The following DNAH11 variants were observed in gnomAD, a reference collection of about 807,000 sequenced individuals.
The protein encoded by DNAH11 is axonemal beta dynein heavy chain 11.
DNAH11 carries 442 observed loss-of-function variants against 526.0 expected under a neutral mutation model. The ratio of observed to expected loss-of-function variants is 0.84; its 90% CI spans 0.78 to 0.91. The LOEUF is 0.91. DNAH11 is among the 40% of genes least tolerant of loss of function. DNAH11 has a pLI of 0.00. For synonymous variants in DNAH11, 2,461 were observed against 1,935.9 expected, an observed-to-expected ratio of 1.27 and a Z score of -7.12; for missense variants, 6,989 against 5,448.7, an observed-to-expected ratio of 1.28 and a Z score of -8.90.
chr7:21,763,777 GA>G (rs1459705923), intron 54 of DNAH11, among the ~76,000 whole-genome samples: 1 of 140,000 alleles, frequency 7.1e-6, no homozygotes, highest in Admixed American at 7.8e-5. Context: ...CAGGCAACTA[GA>G]TAATGTGCTA....
intron 48 of DNAH11, among the ~76,000 whole-genome samples, chr7:21,740,651 C>T (rs1437775412): frequency 6.6e-6 from 1 of 152,182 alleles, no homozygotes; most frequent in Admixed American, 6.6e-5. Context: ...TGCTTCCACA[C>T]TTTAGCTAAT....
chr7:21,608,351 A>G (rs1251793060), intron 20 of DNAH11, among the ~76,000 whole-genome samples: 1 of 152,250 alleles, frequency 6.6e-6, no homozygotes, highest in Non-Finnish European at 1.5e-5. Flanking sequence ...GGCAACCAAA[A>G]TAAGAAAATA....
chr7:21,543,221 T>A lies in DNAH11; in HGVS notation c.-25T>A. ...GTCTCGGGTGAGGAGCCAGCCGGCC[T>A]CGCGTTCCCTCGGACGGTTGCCCAA... On this transcript the variant is annotated 5_prime_UTR_variant, in exon 1 of 82. Transcript: ENST00000409508. 6.7e-7 allele frequency: 1 copy of A among 1,496,034 alleles called. No individual in the cohort carries two copies. Among genetic ancestry groups the A allele is most frequent in the Non-Finnish European group, 8.9e-7 (1 of 1,125,254 alleles). 92.7% of individuals were successfully genotyped at this position (1,496,034 alleles called of 1,614,324 possible). A position where few individuals can be genotyped will look rare whatever the true frequency, so the allele number is the denominator to read the frequency against.
intron 61 of DNAH11, among the ~76,000 whole-genome samples, chr7:21,799,659 G>T (rs1405898685): frequency 6.6e-6 from 1 of 152,020 alleles, no homozygotes; most frequent in Admixed American, 6.6e-5. Flanking sequence ...ATTTCTAACT[G>T]GTGATGTATA....
At chr7:21,863,592 C>CT (rs1783158712) in intron 69 of DNAH11, among the ~76,000 whole-genome samples, 1 of 152,136 alleles carries the variant, frequency 6.6e-6, no homozygotes, top group Non-Finnish European at 1.5e-5. Context: ...TCCGAAAGTG[C>CT]TGGGATTACA....
chr7:21,837,067 GATATTA>G (rs144185241), intron 65 of DNAH11, among the ~76,000 whole-genome samples: 9,830 of 152,066 alleles, frequency 0.065, 553 homozygotes, highest in East Asian at 0.19. Flanking sequence ...AATTAGAATG[GATATTA>G]TCAAAAAGAC....
intron 28 of DNAH11, among the ~76,000 whole-genome samples, chr7:21,653,308 C>G (rs1781868320): frequency 6.6e-6 from 1 of 152,078 alleles, no homozygotes; most frequent in Admixed American, 6.6e-5. Context: ...GCAACAGGGG[C>G]CACACGAGTT....
At chr7:21,797,264 G>A (rs775057663) in intron 61 of DNAH11, among the ~76,000 whole-genome samples, 32 of 151,386 alleles carry the variant, frequency 2.1e-4, no homozygotes, top group Non-Finnish European at 3.4e-4. Context: ...TTATTGCCTA[G>A]GCTGGAGTGC....
intron 8 of DNAH11, among the ~76,000 whole-genome samples, chr7:21,572,707 G>A (rs1399226629): frequency 1.3e-5 from 2 of 152,178 alleles, no homozygotes; most frequent in Admixed American, 1.3e-4. Context: ...TGAAGTGTAC[G>A]AGTGCAGTAT....
At position 21,749,658 on chromosome 7, in the gene DNAH11, G is replaced by C. The variant is rs753994285; in HGVS notation, c.8674-20G>C. The C allele has an allele frequency of 3.7e-6, 6 of 1,613,374 alleles. No homozygotes were observed. The African/African-American group carries it at 8.0e-5, about 22-fold the overall frequency. On this transcript the variant is annotated intron_variant, in intron 52 of 81. Transcript: ENST00000409508. ...GCATCAGCATTTTAACAAAACATGA[G>C]TGATGGCCTTTCCTTACAGGTAGAT...
At chr7:21,739,021 T>C (rs972099458) in intron 47 of DNAH11, among the ~76,000 whole-genome samples, 155 bp downstream of exon 47, 6 of 152,240 alleles carry the variant, frequency 3.9e-5, no homozygotes. Flanking sequence ...CTAAGGAATA[T>C]CTTTTGGGTT....
chr7:21,718,488 G>A (rs926275651), intron 43 of DNAH11, among the ~76,000 whole-genome samples: 1 of 152,144 alleles, frequency 6.6e-6, no homozygotes, highest in Admixed American at 6.5e-5. Flanking sequence ...TATTCATGGA[G>A]GAGTGTCAGT....
intron 42 of DNAH11, among the ~76,000 whole-genome samples, chr7:21,714,480 T>C (rs1784576641): frequency 6.6e-6 from 1 of 152,214 alleles, no homozygotes; most frequent in South Asian, 2.1e-4. Context: ...TCCATAGTTA[T>C]TGGAGACTTT....
intron 61 of DNAH11, among the ~76,000 whole-genome samples, chr7:21,795,050 G>C (rs1247207002): frequency 1.3e-5 from 2 of 152,144 alleles, no homozygotes; most frequent in African/African-American, 4.8e-5. Context: ...CTTAGCACTG[G>C]ATATTTGTTT....
intron 58 of DNAH11, among the ~76,000 whole-genome samples, chr7:21,785,252 T>A (rs1052373251): frequency 6.6e-6 from 1 of 152,186 alleles, no homozygotes; most frequent in Non-Finnish European, 1.5e-5. Flanking sequence ...TTCATAGAAA[T>A]CCTGAATTCG....
chr7:21,723,740 T>TCCCCCACC (rs1784970971), intron 44 of DNAH11, among the ~76,000 whole-genome samples: 2 of 82,380 alleles, frequency 2.4e-5, no homozygotes, highest in African/African-American at 9.5e-5. Flanking sequence ...ACTCCCCCAC[T>TCCCCCACC]CCCCCACCCC....
chr7:21,765,225 C>CTG lies in DNAH11; in HGVS notation c.8941-199_8941-198dup, dbSNP rs3217002. On this transcript the variant is annotated intron_variant, in intron 54 of 81. Coordinates refer to ENST00000409508, the MANE Select transcript of DNAH11 (RefSeq NM_001277115.2). ...TTAAGGAAAGTACACAGCAGTGTTT[C>CTG]TGTGTCCAGTGGAGCAGCCTCTTTG... Among the ~76,000 whole-genome samples, 62,875 of 151,864 alleles carry CTG rather than the reference C, an allele frequency of 0.41. 13,537 individuals carry two copies. Among genetic ancestry groups the CTG allele is most frequent in the East Asian group, 0.6 (3,101 of 5,158 alleles).
intron 54 of DNAH11, among the ~76,000 whole-genome samples, chr7:21,763,356 A>AAAAAAAGAAGAAAG (rs1554278437): frequency 7.3e-6 from 1 of 137,922 alleles, no homozygotes; most frequent in Non-Finnish European, 1.5e-5. Context: ...AAAAAAAAAA[A>AAAAAAAGAAGAAAG]GAAAAAAAAA....
chr7:21,675,278 C>G (rs988344422), intron 30 of DNAH11, among the ~76,000 whole-genome samples: 9 of 152,192 alleles, frequency 5.9e-5, no homozygotes, highest in African/African-American at 1.9e-4. Flanking sequence ...GCCGCCCACT[C>G]CTGCCATGGG....
Sources: gnomAD v4.1 joint callset for allele counts (sites outside exome capture counted in the v4.1 genomes callset) on GRCh38, gnomAD v4.1.1 for gene constraint, MANE v1.5 for transcripts, NCBI Gene and HGNC (gene_info 2026-07-23, HGNC 2026-07-21) for gene names.